LARS2: variants seen among roughly 807,000 people sequenced by gnomAD.
The protein encoded by LARS2 is leucine--tRNA ligase, mitochondrial.
In LARS2, 81 loss-of-function variants were observed where a neutral mutation model predicts 116.6. The observed-to-expected ratio is 0.69, with a 90% CI of 0.58 to 0.84. The LOEUF is 0.84. LARS2 is among the 40% of genes least tolerant of loss of function. The probability of loss-of-function intolerance (pLI) is 0.00; values close to 1 mark genes in which losing one functional copy is unlikely to be tolerated. For synonymous variants in LARS2, 396 were observed against 407.2 expected, an observed-to-expected ratio of 0.97 and a Z score of 0.33; for missense variants, 968 against 1,114.5, an observed-to-expected ratio of 0.87 and a Z score of 1.87.
At chr3:45,523,899 C>A in intron 19 of LARS2, 98 bp from the exon 20 acceptor site, 1 of 844,108 alleles carries the variant, frequency 1.2e-6, no homozygotes. Flanking sequence ...TTTCTTCCTA[C>A]CAGCTTGTGT....
chr3:45,495,732 G>A (rs1280533573), intron 13 of LARS2, among the ~76,000 whole-genome samples: 2 of 152,198 alleles, frequency 1.3e-5, no homozygotes, highest in African/African-American at 4.8e-5. Flanking sequence ...TAAATTCAGA[G>A]AAGTGGAAAA....
chr3:45,425,483 G>T (rs1393289169), intron 6 of LARS2, among the ~76,000 whole-genome samples: 1 of 152,238 alleles, frequency 6.6e-6, no homozygotes, highest in Non-Finnish European at 1.5e-5. Flanking sequence ...GTTTGTTTGT[G>T]AATGGAAGTG....
chr3:45,499,063 G>A (rs1391086956), intron 14 of LARS2, among the ~76,000 whole-genome samples: 6 of 152,112 alleles, frequency 3.9e-5, no homozygotes, highest in Non-Finnish European at 8.8e-5. Flanking sequence ...GGAGGCCGAG[G>A]CAGGAAGATG....
At chr3:45,523,766 G>A (rs910984885) in intron 19 of LARS2, among the ~76,000 whole-genome samples, 1 of 151,542 alleles carries the variant, frequency 6.6e-6, no homozygotes, top group Non-Finnish European at 1.5e-5. Flanking sequence ...CAAATTCTTG[G>A]CCTCCCAAAG....
At chr3:45,417,440 T>C (rs375512367) in intron 4 of LARS2, 42 bp from the exon 5 acceptor site, 33 of 1,408,400 alleles carry the variant, frequency 2.3e-5, no homozygotes, top group Non-Finnish European at 3.2e-5. Context: ...AATGGAGTTA[T>C]TAATGATTTG....
chr3:45,422,749 T>C (rs1340649236), intron 6 of LARS2, among the ~76,000 whole-genome samples: 2 of 152,226 alleles, frequency 1.3e-5, no homozygotes, highest in African/African-American at 2.4e-5. Context: ...TTGTCTGATA[T>C]TAGCAATGCC....
chr3:45,526,490 T>G (rs554748477), intron 20 of LARS2, among the ~76,000 whole-genome samples: 1 of 152,304 alleles, frequency 6.6e-6, no homozygotes, highest in East Asian at 1.9e-4. Flanking sequence ...GCTTGTGGAA[T>G]TTTGCATCTT....
chr3:45,467,701 A>T (rs961807231), intron 8 of LARS2, among the ~76,000 whole-genome samples: 3 of 152,226 alleles, frequency 2.0e-5, no homozygotes, highest in Admixed American at 2.0e-4. Context: ...TATAAGTAGG[A>T]TGGAAAGATA....
intron 20 of LARS2, among the ~76,000 whole-genome samples, chr3:45,534,041 G>T (rs1278379156): frequency 6.6e-6 from 1 of 152,230 alleles, no homozygotes; most frequent in African/African-American, 2.4e-5. Flanking sequence ...AAGCGGGAGA[G>T]AGCAGTTGGA....
intron 3 of LARS2, among the ~76,000 whole-genome samples, chr3:45,396,205 G>T (rs1362706869): frequency 1.3e-5 from 2 of 152,226 alleles, no homozygotes; most frequent in African/African-American, 4.8e-5. Flanking sequence ...AAGGGGCATT[G>T]TGTGTGATCC....
intron 6 of LARS2, among the ~76,000 whole-genome samples, chr3:45,425,540 C>T (rs2125691209): frequency 6.6e-6 from 1 of 152,342 alleles, no homozygotes; most frequent in Non-Finnish European, 1.5e-5. Flanking sequence ...AGAATTTTTA[C>T]TGGGACAGGC....
At chr3:45,459,458 G>A (rs1949304) in intron 8 of LARS2, among the ~76,000 whole-genome samples, 79,926 of 152,102 alleles carry the variant, frequency 0.53, 24,558 homozygotes, top group East Asian at 0.68. Context: ...TAAGCCAGGC[G>A]CTAAAGCTTG....
chr3:45,464,194 A>G lies in LARS2; in HGVS notation c.750+5308A>G, dbSNP rs78153401. Reference sequence around the variant, plus strand: ...TTGTTTTACCCTGCAGAGCATGCACACATGGGGCTGGAGGAAAGAGGAGGT... The same window carrying G: ...TTGTTTTACCCTGCAGAGCATGCACGCATGGGGCTGGAGGAAAGAGGAGGT... On this transcript the variant is annotated intron_variant, in intron 8 of 21. Coordinates refer to ENST00000645846, the MANE Select transcript of LARS2 (RefSeq NM_015340.4). Among the ~76,000 whole-genome samples, 79 of 152,312 alleles carry G rather than the reference A, an allele frequency of 5.2e-4. No homozygotes were observed. The East Asian group carries it at 0.011, about 22-fold the overall frequency.
rs1223081345 is a variant in LARS2 at position 45,484,618 on chromosome 3, A to ATATATATAT, written c.1019-1074_1019-1073insTATATATAT. Reference sequence around the variant, plus strand: ...CCTGTCTCTACAAAAAAAAAAAAAAAAAAAAAAAAAAAATATATATATATA... The same window carrying ATATATATAT: ...CCTGTCTCTACAAAAAAAAAAAAAAATATATATATAAAAAAAAAAAAATATATATATATA... On this transcript the variant is annotated intron_variant, in intron 10 of 21. Transcript: ENST00000645846. Among the ~76,000 whole-genome samples the ATATATATAT allele has an allele frequency of 2.3e-3, 32 of 13,894 alleles. 1 individual carries two copies. Among genetic ancestry groups the ATATATATAT allele is most frequent in the East Asian group, 0.02 (5 of 252 alleles). 9.1% of individuals were successfully genotyped at this position (13,894 alleles called of 152,430 possible).
intron 14 of LARS2, 107 bp from the exon 15 acceptor site, chr3:45,500,335 C>T: frequency 9.1e-7 from 1 of 1,103,114 alleles, no homozygotes; most frequent in Admixed American, 2.7e-5. Flanking sequence ...ATTGTTATTC[C>T]CTGATACGGT....
chr3:45,448,746 C>T (rs1285101997), intron 7 of LARS2, among the ~76,000 whole-genome samples: 2 of 152,250 alleles, frequency 1.3e-5, no homozygotes, highest in Non-Finnish European at 2.9e-5. Context: ...ACAGATTGCT[C>T]ATGCTATTGT....
At chr3:45,464,930 T>C (rs1187239209) in intron 8 of LARS2, among the ~76,000 whole-genome samples, 1 of 152,126 alleles carries the variant, frequency 6.6e-6, no homozygotes, top group Admixed American at 6.5e-5. Context: ...TCTTACTGCA[T>C]TTATCCCCAC....
intron 6 of LARS2, among the ~76,000 whole-genome samples, chr3:45,441,020 A>G (rs1461186678): frequency 8.6e-6 from 1 of 116,550 alleles, no homozygotes; most frequent in Non-Finnish European, 1.7e-5. Flanking sequence ...GCCATCACAC[A>G]CTCTTTTTTT....
At chr3:45,533,615 T>A (rs1249539789) in intron 20 of LARS2, among the ~76,000 whole-genome samples, 3 of 152,322 alleles carry the variant, frequency 2.0e-5, no homozygotes, top group African/African-American at 4.8e-5. Context: ...CTTCATTTTG[T>A]TTCTCCCAGG....
Sources: allele counts gnomAD v4.1 joint callset (sites outside exome capture counted in the v4.1 genomes callset), GRCh38; gene constraint gnomAD v4.1.1; transcripts MANE v1.5; gene names NCBI Gene and HGNC (gene_info 2026-07-23, HGNC 2026-07-21).